Variants in MACROD2 observed in about 807,000 individuals in gnomAD.
MACROD2 encodes the protein ADP-ribose glycohydrolase MACROD2.
MACROD2 carries 36 observed loss-of-function variants against 70.4 expected under a neutral mutation model. That is an observed-to-expected ratio of 0.51 (90% CI 0.39 to 0.68). MACROD2 has a LOEUF of 0.68. Ranked by LOEUF, MACROD2 falls within the 30% of genes least tolerant of loss-of-function variation. The pLI, the probability that MACROD2 is intolerant of heterozygous loss-of-function variation, is 0.00. For missense variants in MACROD2, 496 were observed against 538.4 expected, an observed-to-expected ratio of 0.92 and a Z score of 0.78; for synonymous variants, 172 against 178.8, an observed-to-expected ratio of 0.96 and a Z score of 0.30.
chr20:15,991,624 T>G (rs2066560351), intron 15 of MACROD2, among the ~76,000 whole-genome samples: 1 of 152,258 alleles, frequency 6.6e-6, no homozygotes, highest in Non-Finnish European at 1.5e-5. Flanking sequence ...TACACTTGCA[T>G]GTTGAGTAAC....
chr20:14,733,081 T>C (rs1366768046), intron 5 of MACROD2, among the ~76,000 whole-genome samples: 1 of 152,182 alleles, frequency 6.6e-6, no homozygotes, highest in East Asian at 1.9e-4. Context: ...TATGTCTACT[T>C]TCTTATGAAA....
intron 8 of MACROD2, among the ~76,000 whole-genome samples, chr20:15,597,391 C>A (rs1275982645): frequency 6.6e-6 from 1 of 152,052 alleles, no homozygotes; most frequent in African/African-American, 2.4e-5. Context: ...TTTATTGGGG[C>A]AAAGGATACA....
chr20:15,081,007 A>G (rs1399737217), intron 5 of MACROD2, among the ~76,000 whole-genome samples: 1 of 151,788 alleles, frequency 6.6e-6, no homozygotes, highest in Admixed American at 6.6e-5. Context: ...TTGTTTATCT[A>G]CTCCACTAGA....
chr20:15,451,859 A>C (rs958021539), intron 7 of MACROD2, among the ~76,000 whole-genome samples: 3 of 152,150 alleles, frequency 2.0e-5, no homozygotes, highest in African/African-American at 7.2e-5. Flanking sequence ...GGGGCCCACC[A>C]GGTATCTGAA....
intron 5 of MACROD2, among the ~76,000 whole-genome samples, chr20:14,827,983 CTTT>C (rs2072921539): frequency 6.6e-6 from 1 of 151,838 alleles, no homozygotes; most frequent in African/African-American, 2.4e-5. Context: ...TGTTTTCCTT[CTTT>C]TAAAATTTTT....
At position 15,318,590 on chromosome 20, in the gene MACROD2, CAATTT is replaced by C. The variant is rs573543296; in HGVS notation, c.540+88533_540+88537del. ...AATCCTCAAGAAATACTAGCAAACTCAATTTAATAGCATATTAAAAGGATTATACA... is the reference window on the plus strand; with the variant it reads ...AATCCTCAAGAAATACTAGCAAACTCAATAGCATATTAAAAGGATTATACA... On this transcript the variant is annotated intron_variant, in intron 6 of 17. Coordinates refer to ENST00000684519, the MANE Select transcript of MACROD2 (RefSeq NM_001351661.2). Among the ~76,000 whole-genome samples, 150 of 152,036 alleles carry C rather than the reference CAATTT, an allele frequency of 9.9e-4. 1 individual carries two copies. Among genetic ancestry groups the C allele is most frequent in the African/African-American group, 3.4e-3 (142 of 41,488 alleles).
chr20:14,582,453 C>A (rs1981094590), intron 4 of MACROD2, among the ~76,000 whole-genome samples: 1 of 152,110 alleles, frequency 6.6e-6, no homozygotes, highest in African/African-American at 2.4e-5. Context: ...TGTCTCCCAG[C>A]AGCGTGACCT....
chr20:14,394,766 A>C (rs948412322), intron 3 of MACROD2, among the ~76,000 whole-genome samples: 2 of 152,096 alleles, frequency 1.3e-5, no homozygotes, highest in Non-Finnish European at 2.9e-5. Flanking sequence ...TATTATTCCA[A>C]GTTTGCTGAG....
chr20:14,443,972 A>T (rs1487660064), intron 3 of MACROD2, among the ~76,000 whole-genome samples: 1 of 152,170 alleles, frequency 6.6e-6, no homozygotes, highest in Non-Finnish European at 1.5e-5. Flanking sequence ...TTTTATTTAG[A>T]TAACAAAGCA....
chr20:14,560,282 T>G (rs574261033), intron 4 of MACROD2, among the ~76,000 whole-genome samples: 1 of 149,644 alleles, frequency 6.7e-6, no homozygotes, highest in South Asian at 2.1e-4. Flanking sequence ...ACTTTGTTTC[T>G]TGGGAATGAA....
At chr20:14,103,029 T>A (rs2054319924) in intron 3 of MACROD2, among the ~76,000 whole-genome samples, 1 of 152,186 alleles carries the variant, frequency 6.6e-6, no homozygotes, top group Non-Finnish European at 1.5e-5. Context: ...TTTTTGTTGT[T>A]ATTTAGCCCT....
chr20:14,595,146 C>A (rs1265969666), intron 4 of MACROD2, among the ~76,000 whole-genome samples: 1 of 152,126 alleles, frequency 6.6e-6, no homozygotes, highest in Admixed American at 6.6e-5. Flanking sequence ...TTAGTAATTG[C>A]ACAGTTGTCT....
At chr20:14,019,271 C>T (rs920932712) in intron 2 of MACROD2, among the ~76,000 whole-genome samples, 14 of 152,122 alleles carry the variant, frequency 9.2e-5, no homozygotes, top group East Asian at 7.7e-4. Context: ...AAATTTGGAG[C>T]GTAGTGTTTG....
At chr20:15,922,294 T>C (rs1568642673) in intron 10 of MACROD2, among the ~76,000 whole-genome samples, 2 of 152,228 alleles carry the variant, frequency 1.3e-5, no homozygotes, top group South Asian at 4.1e-4. Context: ...TATGTTGTTT[T>C]ACATTTTTCA....
chr20:15,788,156 G>A (rs1045429352), intron 8 of MACROD2, among the ~76,000 whole-genome samples: 15 of 151,794 alleles, frequency 9.9e-5, no homozygotes, highest in African/African-American at 3.4e-4. Flanking sequence ...TGGAATCATC[G>A]ATTCCATTTA....
chr20:14,382,705 G>T (rs73092460), intron 3 of MACROD2, among the ~76,000 whole-genome samples: 1 of 151,724 alleles, frequency 6.6e-6, no homozygotes, highest in Non-Finnish European at 1.5e-5. Flanking sequence ...TAAATAAAAG[G>T]TTAATCTGAA....
At chr20:14,564,506 A>T (rs550569323) in intron 4 of MACROD2, among the ~76,000 whole-genome samples, 1 of 152,110 alleles carries the variant, frequency 6.6e-6, no homozygotes, top group Non-Finnish European at 1.5e-5. Flanking sequence ...CAACAAGAAA[A>T]AAACAAATAA....
intron 5 of MACROD2, among the ~76,000 whole-genome samples, chr20:14,898,834 A>T (rs1224686866): frequency 2.0e-5 from 3 of 152,128 alleles, no homozygotes; most frequent in Non-Finnish European, 4.4e-5. Context: ...TGGCTTCTGA[A>T]TGAGAGGTGA....
At chr20:14,717,900 A>G (rs186165767) in intron 5 of MACROD2, among the ~76,000 whole-genome samples, 1 of 152,272 alleles carries the variant, frequency 6.6e-6, no homozygotes. Context: ...TAAAGTAGGA[A>G]GAAATAATTG....
Sources: allele counts gnomAD v4.1 joint callset (sites outside exome capture counted in the v4.1 genomes callset), GRCh38; gene constraint gnomAD v4.1.1; transcripts MANE v1.5; gene names NCBI Gene and HGNC (gene_info 2026-07-23, HGNC 2026-07-21).